ACSL5: variants seen among roughly 807,000 people sequenced by gnomAD.
The protein encoded by ACSL5 is long-chain-fatty-acid--CoA ligase 5.
Under a neutral mutation model 84.9 loss-of-function variants are expected in ACSL5, and 50 were observed. That is an observed-to-expected ratio of 0.59 (90% CI 0.47 to 0.75). The LOEUF (loss-of-function observed/expected upper bound fraction) is 0.75. Among genes scored for constraint, ACSL5 ranks in the 30% least tolerant of loss-of-function variants. The probability of loss-of-function intolerance (pLI) is 0.00; values close to 1 mark genes in which losing one functional copy is unlikely to be tolerated. For missense variants in ACSL5, 775 were observed against 830.4 expected (o/e 0.93, Z 0.82); for synonymous variants, 280 against 300.7 (o/e 0.93, Z 0.71).
At chr10:112,410,243 A>G (rs748226424) in intron 7 of ACSL5, 276 of 1,525,060 alleles carry the variant, frequency 1.8e-4, no homozygotes, top group Non-Finnish European at 2.3e-4. Context: ...TGAACATGCA[A>G]TCTACCCTCT....
In ACSL5 at chr10:112,374,241, G is replaced by C. The variant is rs1446784027; in HGVS notation, c.-58G>C. 1 of 152,162 alleles carries C rather than the reference G, an allele frequency of 6.6e-6. No homozygotes were observed. Among genetic ancestry groups the C allele is most frequent in the African/African-American group, 2.4e-5 (1 of 41,418 alleles). 9.4% of individuals were successfully genotyped at this position (152,162 alleles called of 1,614,324 possible). A position where few individuals can be genotyped will look rare whatever the true frequency, so the allele number is the denominator to read the frequency against. ...CCAGCTGTGAGGGGAGCACTTCCTG[G>C]ACCCAGGAAGGGAGAGTCTTCTTCC... is the stretch of plus-strand genomic sequence containing the variant. On this transcript the variant is annotated 5_prime_UTR_variant, in exon 1 of 21. Coordinates refer to ENST00000354655, the MANE Select transcript of ACSL5 (RefSeq NM_203379.2).
chr10:112,417,599 T>G (rs545159479), intron 13 of ACSL5, among the ~76,000 whole-genome samples: 4 of 152,270 alleles, frequency 2.6e-5, no homozygotes, highest in African/African-American at 9.6e-5. Flanking sequence ...GGCTGAAGAA[T>G]ACAAATTATT....
At chr10:112,414,712 C>T (rs932580650) in intron 12 of ACSL5, among the ~76,000 whole-genome samples, 3 of 152,098 alleles carry the variant, frequency 2.0e-5, no homozygotes, top group African/African-American at 7.2e-5. Flanking sequence ...GACAATACCC[C>T]TGTAGCCTCT....
rs768683565 is a variant in ACSL5, at chr10:112,421,555, T to A, written c.1315-38T>A. 3 of 1,596,176 alleles carry A rather than the reference T, an allele frequency of 1.9e-6. No individual in the cohort carries two copies. The East Asian group carries it at 6.7e-5, about 36-fold the overall frequency. ...TAGCACGTGGCCAGCTCACACTTTA[T>A]CTTGAGTAAGTCTAAAAGCTCTTCT... On this transcript the variant is annotated intron_variant, in intron 14 of 20. Coordinates refer to ENST00000354655, the MANE Select transcript of ACSL5 (RefSeq NM_203379.2).
intron 1 of ACSL5, chr10:112,376,538 C>A: frequency 6.4e-7 from 1 of 1,555,900 alleles, no homozygotes; most frequent in South Asian, 1.2e-5. Context: ...CCCCGACTTT[C>A]TTTAAGCGAC....
intron 1 of ACSL5, among the ~76,000 whole-genome samples, chr10:112,392,576 C>T (rs1214617248): frequency 6.6e-6 from 1 of 152,040 alleles, no homozygotes; most frequent in African/African-American, 2.4e-5. Context: ...CCCGTCTCTA[C>T]TAAAAATACA....
chr10:112,377,265 C>G (rs1451213782), intron 1 of ACSL5, among the ~76,000 whole-genome samples: 2 of 152,182 alleles, frequency 1.3e-5, no homozygotes, highest in Admixed American at 6.5e-5. Context: ...TAAGGCCGGG[C>G]GCAGTGACTC....
intron 1 of ACSL5, among the ~76,000 whole-genome samples, chr10:112,384,225 G>C (rs1484368187): frequency 6.6e-6 from 1 of 151,656 alleles, no homozygotes; most frequent in Non-Finnish European, 1.5e-5. Flanking sequence ...TCCCCCTGCT[G>C]TACCCCCAGT....
chr10:112,401,617 T>C (rs1186021634), intron 3 of ACSL5, among the ~76,000 whole-genome samples: 1 of 152,242 alleles, frequency 6.6e-6, no homozygotes, highest in Non-Finnish European at 1.5e-5. Context: ...GCTGATCAAG[T>C]CACAGAGTTT....
chr10:112,376,469 G>T (rs1386975931), intron 1 of ACSL5: 2 of 1,613,918 alleles, frequency 1.2e-6, no homozygotes, highest in Non-Finnish European at 1.7e-6. Context: ...CATCGAGGGG[G>T]TGTTATTCAG....
chr10:112,425,113 G>A (rs2133681481), intron 17 of ACSL5: 2 of 346,790 alleles, frequency 5.8e-6, no homozygotes, highest in South Asian at 2.4e-4. Context: ...CTTTCTCTAA[G>A]GCTGCGCATT....
At chr10:112,413,386 C>T in intron 12 of ACSL5, 79 bp downstream of exon 12, 1 of 1,501,324 alleles carries the variant, frequency 6.7e-7, no homozygotes, top group Non-Finnish European at 9.2e-7. Flanking sequence ...AGATTTACTC[C>T]ACCTCTACCT....
At chr10:112,378,069 A>G (rs1849275289) in intron 1 of ACSL5, among the ~76,000 whole-genome samples, 1 of 152,138 alleles carries the variant, frequency 6.6e-6, no homozygotes, top group African/African-American at 2.4e-5. Context: ...GTCATTGCAT[A>G]CCTAACCATC....
intron 1 of ACSL5, among the ~76,000 whole-genome samples, chr10:112,385,829 T>G (rs1849438449): frequency 1.3e-5 from 2 of 152,230 alleles, no homozygotes; most frequent in Admixed American, 6.5e-5. Flanking sequence ...CATTTCTGTT[T>G]ATAGATTTTA....
chr10:112,389,578 C>A (rs763489401), intron 1 of ACSL5, among the ~76,000 whole-genome samples: 1 of 152,132 alleles, frequency 6.6e-6, no homozygotes, highest in Non-Finnish European at 1.5e-5. Flanking sequence ...CCTACCGTAA[C>A]CAGGAGTGAT....
chr10:112,423,317 T>C (rs1333575770), intron 17 of ACSL5, among the ~76,000 whole-genome samples: 1 of 135,792 alleles, frequency 7.4e-6, no homozygotes, highest in Non-Finnish European at 1.5e-5. Context: ...TCTGAGAAAG[T>C]AATTTAACGT....
chr10:112,425,886 C>T (rs921268454), intron 18 of ACSL5, among the ~76,000 whole-genome samples: 5 of 152,106 alleles, frequency 3.3e-5, no homozygotes, highest in African/African-American at 1.2e-4. Context: ...TTGTTTTATA[C>T]ATACTATGCT....
At chr10:112,381,578 G>C (rs917642869) in intron 1 of ACSL5, among the ~76,000 whole-genome samples, 2 of 150,688 alleles carry the variant, frequency 1.3e-5, no homozygotes, top group African/African-American at 4.9e-5. Context: ...TGAGGCAGGA[G>C]AATCGCTTGA....
At chr10:112,425,240 A>C in intron 17 of ACSL5, 98 bp from the exon 18 acceptor site, 1 of 1,124,748 alleles carries the variant, frequency 8.9e-7, no homozygotes, top group Non-Finnish European at 1.2e-6. Context: ...TGGAGAAATC[A>C]GCTTTAGAGA....
Sources: gnomAD v4.1 joint callset for allele counts (sites outside exome capture counted in the v4.1 genomes callset) on GRCh38, gnomAD v4.1.1 for gene constraint, MANE v1.5 for transcripts, NCBI Gene and HGNC (gene_info 2026-07-23, HGNC 2026-07-21) for gene names.